Variants in EPB41L1 observed in about 807,000 individuals in gnomAD.
The protein encoded by EPB41L1 is erythrocyte membrane protein band 4.1 like 1, also known as band 4.1-like protein 1.
A neutral mutation model predicts 97.8 loss-of-function variants in EPB41L1; 29 were observed. The observed-to-expected ratio is 0.30, with a 90% CI of 0.22 to 0.40. The LOEUF (loss-of-function observed/expected upper bound fraction) is 0.40, where lower values mean the gene tolerates loss of function less well. Ranked by LOEUF, EPB41L1 falls within the 10% of genes least tolerant of loss-of-function variation. The pLI, the probability that EPB41L1 is intolerant of heterozygous loss-of-function variation, is 1.00. For synonymous variants in EPB41L1, 383 were observed against 459.2 expected (o/e 0.83, Z 2.12); for missense variants, 812 against 1,162.3 (o/e 0.70, Z 4.38).
chr20:36,109,498 G>A (rs1001096946), intron 1 of EPB41L1, among the ~76,000 whole-genome samples: 6 of 152,170 alleles, frequency 3.9e-5, no homozygotes, highest in African/African-American at 7.2e-5. Flanking sequence ...CTGTTAGTGC[G>A]GGGGCTGTTG....
chr20:36,215,012 A>G (rs2146934153), intron 17 of EPB41L1, among the ~76,000 whole-genome samples: 1 of 150,950 alleles, frequency 6.6e-6, no homozygotes, highest in Middle Eastern at 3.4e-3. Flanking sequence ...CAAAATGGCA[A>G]TAATCCCCAT....
At position 36,180,634 on chromosome 20, in the gene EPB41L1, A is replaced by T. The variant is rs76825766; in HGVS notation, c.491-1638A>T. Among the ~76,000 whole-genome samples the T allele has an allele frequency of 1.1e-3, 171 of 152,252 alleles. 1 individual carries two copies. Among genetic ancestry groups the T allele is most frequent in the South Asian group, 4.4e-3 (21 of 4,818 alleles). On this transcript the variant is annotated intron_variant, in intron 5 of 21. Transcript: ENST00000338074. ...TTAACTCCACCTGCTTCTTGTGTTG[A>T]CTGTGCCTTGGTTTCCTCCTCTGTA...
intron 1 of EPB41L1, among the ~76,000 whole-genome samples, chr20:36,096,029 GAA>G (rs59767618): frequency 4.4e-5 from 6 of 137,712 alleles, no homozygotes; most frequent in African/African-American, 8.0e-5. Context: ...CCATCTCAGG[GAA>G]AAAAAAAAAA....
At chr20:36,169,212 A>C in intron 1 of EPB41L1, among the ~76,000 whole-genome samples, 1 of 146,734 alleles carries the variant, frequency 6.8e-6, no homozygotes, top group African/African-American at 2.5e-5. Flanking sequence ...ACAGAGCAAG[A>C]CTCTGTCTCA....
chr20:36,108,121 G>A (rs1207639095), intron 1 of EPB41L1, among the ~76,000 whole-genome samples: 10 of 151,704 alleles, frequency 6.6e-5, no homozygotes, highest in Non-Finnish European at 4.4e-5. Context: ...TGGGACTTTA[G>A]GAATGTGTCA....
At chr20:36,188,896 A>AG (rs1291964119) in intron 9 of EPB41L1, among the ~76,000 whole-genome samples, 4 of 150,690 alleles carry the variant, frequency 2.7e-5, no homozygotes, top group African/African-American at 4.9e-5. Context: ...AAAAAAAGGG[A>AG]GAAAAAAAAA....
chr20:36,154,785 C>T lies in EPB41L1; in HGVS notation c.-126C>T. On this transcript the variant is annotated 5_prime_UTR_variant, in exon 1 of 22. Transcript: ENST00000338074. This position sits in a 1 kb window ranked among gnomAD's most constrained non-coding sequence, Gnocchi z 5.5. ...CGGGGGTGTCGCCGAACAGGCTGCTCCGCAGAGCCCGCCGCGACCCCGCGC... is the reference window on the plus strand; with the variant it reads ...CGGGGGTGTCGCCGAACAGGCTGCTTCGCAGAGCCCGCCGCGACCCCGCGC... 1.0e-6 allele frequency: 1 copy of T among 988,714 alleles called. No individual in the cohort carries two copies. The highest frequency in any genetic ancestry group is 1.2e-6 in the Non-Finnish European group (1 of 831,998). 61.2% of individuals were successfully genotyped at this position (988,714 alleles called of 1,614,324 possible).
chr20:36,126,363 A>ATTTTTT (rs1208994726), intron 2 of EPB41L1, among the ~76,000 whole-genome samples: 1 of 135,258 alleles, frequency 7.4e-6, no homozygotes, highest in African/African-American at 2.8e-5. Context: ...AGTTAGTGGA[A>ATTTTTT]TTTTTTTTTT....
chr20:36,204,479 T>C (rs2062684397), intron 14 of EPB41L1, among the ~76,000 whole-genome samples: 2 of 142,166 alleles, frequency 1.4e-5, no homozygotes, highest in South Asian at 4.8e-4. Flanking sequence ...TGCTTTTTTT[T>C]TTTTTTTTTT....
intron 5 of EPB41L1, 90 bp from the exon 6 acceptor site, chr20:36,182,182 A>G (rs1408631007): frequency 4.5e-6 from 5 of 1,115,512 alleles, no homozygotes; most frequent in Non-Finnish European, 6.9e-6. Context: ...TACATAGGAG[A>G]AACTTTGAAA....
At position 36,206,952 on chromosome 20, in the gene EPB41L1, C is replaced by T; in HGVS notation, c.1669-2536C>T. On this transcript the variant is annotated intron_variant, in intron 14 of 21. Coordinates refer to ENST00000338074, the MANE Select transcript of EPB41L1 (RefSeq NM_012156.2). This position sits in a 1 kb window ranked among gnomAD's most constrained non-coding sequence, Gnocchi z 5.5. ...TTCCTCGGGCCATCCCTCTGAATGT[C>T]AGGAAGCCAGTCAAACCAGACAGAG... 2 of 1,289,934 alleles carry T rather than the reference C, an allele frequency of 1.6e-6. No individual in the cohort carries two copies. The highest frequency in any genetic ancestry group is 2.0e-6 in the Non-Finnish European group (2 of 988,904). 79.9% of individuals were successfully genotyped at this position (1,289,934 alleles called of 1,614,324 possible).
rs375302378 is a variant in EPB41L1 at position 36,209,591 on chromosome 20, C to T, written c.1772C>T (p.Thr591Met). Residue 591 changes from threonine to methionine, a missense_variant, in exon 15 of 22, where the codon ACG becomes ATG. Physicochemically the swap from Thr to Met is moderately conservative, Grantham distance 81 (BLOSUM62 -1). Transcript: ENST00000338074. The surrounding 1 kb of genome is among the most constrained non-coding windows in gnomAD (Gnocchi z 4.2). ...GAGGACCAGGACCAGGAGAGGGACA[C>T]GGTGTTCCTGAAGGACAACCACCTG... Reference protein sequence around the residue: ...GDEDQDQERDTVFLKDNHLAI... With the variant: ...GDEDQDQERDMVFLKDNHLAI... 2.2e-5 allele frequency: 35 copies of T among 1,614,032 alleles called. No individual in the cohort carries two copies. The highest frequency in any genetic ancestry group is 2.9e-5 in the Non-Finnish European group (34 of 1,180,034).
chr20:36,229,311 C>T, intron 21 of EPB41L1, 21 bp from the exon 22 acceptor site: 2 of 1,520,100 alleles, frequency 1.3e-6, no homozygotes, highest in Non-Finnish European at 1.8e-6. Flanking sequence ...CCCCATTCTA[C>T]CCCATGCCTC....
rs945487792 is a variant in EPB41L1 at position 36,232,567 on chromosome 20, C to T, written c.*3227C>T. 1.3e-5 allele frequency: 5 copies of T among 398,920 alleles called. No homozygotes were observed. Among genetic ancestry groups the T allele is most frequent in the Non-Finnish European group, 2.2e-5 (5 of 226,082 alleles). 24.7% of individuals were successfully genotyped at this position (398,920 alleles called of 1,614,324 possible). A position where few individuals can be genotyped will look rare whatever the true frequency, so the allele number is the denominator to read the frequency against. On this transcript the variant is annotated 3_prime_UTR_variant, in exon 22 of 22. Coordinates refer to ENST00000338074, the MANE Select transcript of EPB41L1 (RefSeq NM_012156.2). ...TGTTTCAGTTTTTGAATCCTGCAAG[C>T]ACATTCCAAGACTGGCCTGAAACTG...
intron 4 of EPB41L1, 30 bp downstream of exon 4, chr20:36,178,086 T>G: frequency 6.5e-7 from 1 of 1,535,672 alleles, no homozygotes; most frequent in Non-Finnish European, 9.0e-7. Flanking sequence ...GGGTGGGACC[T>G]GCTCTTCCGT....
chr20:36,184,483 T>G (rs570186082), intron 6 of EPB41L1, among the ~76,000 whole-genome samples: 1 of 152,344 alleles, frequency 6.6e-6, no homozygotes, highest in African/African-American at 2.4e-5. Context: ...TCAGACAATT[T>G]ACTTAGAGCT....
In EPB41L1 at chr20:36,157,042, G is replaced by T. The variant is rs1569157448; in HGVS notation, c.-15+2146G>T. ...AGATGAAGACCATCCTGGCCAACAT[G>T]GTGAAACCCCGTCTCTACTAAAAAT... On this transcript the variant is annotated intron_variant, in intron 1 of 21. Coordinates refer to ENST00000338074, the MANE Select transcript of EPB41L1 (RefSeq NM_012156.2). 3.3e-5 allele frequency among the ~76,000 whole-genome samples: 5 copies of T among 152,254 alleles called. No homozygotes were observed. In the South Asian group the frequency reaches 1.0e-3, roughly 32 times the overall value.
chr20:36,105,107 T>C (rs1032244079), intron 1 of EPB41L1, among the ~76,000 whole-genome samples: 1 of 151,552 alleles, frequency 6.6e-6, no homozygotes, highest in African/African-American at 2.4e-5. Context: ...TATTGGGATG[T>C]GGGGGAAATC....
At chr20:36,158,860 G>A (rs1018436001) in intron 1 of EPB41L1, among the ~76,000 whole-genome samples, 1 of 152,178 alleles carries the variant, frequency 6.6e-6, no homozygotes, top group Non-Finnish European at 1.5e-5. Flanking sequence ...TTAAATGTCA[G>A]GCCAAGGTGT....
Sources: gnomAD v4.1 joint callset for allele counts (sites outside exome capture counted in the v4.1 genomes callset) on GRCh38, gnomAD v4.1.1 for gene constraint, Gnocchi (gnomAD v3.1) non-coding constraint, MANE v1.5 for transcripts, NCBI Gene and HGNC (gene_info 2026-07-23, HGNC 2026-07-21) for gene names.